Variants in IFT80 observed in about 807,000 individuals in gnomAD.
IFT80 encodes the protein intraflagellar transport protein 80 homolog.
IFT80 carries 79 observed loss-of-function variants against 107.9 expected under a neutral mutation model. The ratio of observed to expected loss-of-function variants is 0.73; its 90% CI spans 0.61 to 0.88. IFT80 has a LOEUF of 0.88. Ranked by LOEUF, IFT80 falls within the 40% of genes least tolerant of loss-of-function variation. The probability of loss-of-function intolerance (pLI) is 0.00; values close to 1 mark genes in which losing one functional copy is unlikely to be tolerated. For synonymous variants in IFT80, 299 were observed against 300.9 expected (o/e 0.99, Z 0.07); for missense variants, 797 against 914.2 (o/e 0.87, Z 1.65).
intron 8 of IFT80, among the ~76,000 whole-genome samples, chr3:160,337,662 C>T (rs904071346): frequency 3.3e-5 from 5 of 151,896 alleles, no homozygotes; most frequent in Admixed American, 1.3e-4. Flanking sequence ...GTAAAATCTT[C>T]GGCTTGCCTA....
chr3:160,354,303 T>A (rs1720911316), intron 8 of IFT80, among the ~76,000 whole-genome samples: 1 of 151,406 alleles, frequency 6.6e-6, no homozygotes, highest in Non-Finnish European at 1.5e-5. Context: ...AACTTTAGAG[T>A]CAATGGAAGG....
intron 10 of IFT80, among the ~76,000 whole-genome samples, chr3:160,304,600 T>C (rs1716699002): frequency 6.6e-6 from 1 of 151,926 alleles, no homozygotes; most frequent in Non-Finnish European, 1.5e-5. Flanking sequence ...CACACCCGGC[T>C]AATTTTTTGT....
intron 15 of IFT80, 91 bp downstream of exon 15, chr3:160,280,576 A>T (rs972679190): frequency 5.5e-6 from 6 of 1,081,662 alleles, no homozygotes; most frequent in Non-Finnish European, 5.6e-6. Context: ...TGTGTAAAAC[A>T]CCTTGCAGGA....
chr3:160,293,120 T>C (rs1204181238), intron 12 of IFT80, among the ~76,000 whole-genome samples: 1 of 152,156 alleles, frequency 6.6e-6, no homozygotes, highest in African/African-American at 2.4e-5. Flanking sequence ...ATAAGTAAAA[T>C]ATTACATTAA....
At chr3:160,386,603 G>A (rs1329678050) in intron 1 of IFT80, among the ~76,000 whole-genome samples, 1 of 152,112 alleles carries the variant, frequency 6.6e-6, no homozygotes, top group Non-Finnish European at 1.5e-5. Context: ...TGGGCCCAAC[G>A]AAATCTGAGA....
chr3:160,383,328 C>A, intron 2 of IFT80: 8 of 384,674 alleles, frequency 2.1e-5, no homozygotes, highest in Non-Finnish European at 2.8e-5. Context: ...CTTGAAAGCA[C>A]ATTTTTTTTG....
At chr3:160,373,913 C>T (rs75609585) in intron 5 of IFT80, among the ~76,000 whole-genome samples, 4,474 of 152,190 alleles carry the variant, frequency 0.029, 219 homozygotes, top group African/African-American at 0.1. Flanking sequence ...TGCTGTACTG[C>T]CCAGTTCCTA....
intron 13 of IFT80, 66 bp downstream of exon 13, chr3:160,285,738 A>T: frequency 9.4e-7 from 1 of 1,068,202 alleles, no homozygotes. Context: ...AAATGAAAAC[A>T]TTAATTTTGA....
chr3:160,312,118 T>C (rs1289132692), intron 9 of IFT80, among the ~76,000 whole-genome samples: 1 of 152,118 alleles, frequency 6.6e-6, no homozygotes, highest in Non-Finnish European at 1.5e-5. Context: ...AGAATGCTCT[T>C]AGTGAAATGG....
intron 6 of IFT80, among the ~76,000 whole-genome samples, chr3:160,363,657 G>T (rs1418327798): frequency 6.6e-6 from 1 of 152,114 alleles, no homozygotes; most frequent in Non-Finnish European, 1.5e-5. Flanking sequence ...TACCAAAACA[G>T]AGATACACAG....
chr3:160,354,508 C>G (rs1468292589), intron 8 of IFT80, among the ~76,000 whole-genome samples: 1 of 152,020 alleles, frequency 6.6e-6, no homozygotes, highest in Non-Finnish European at 1.5e-5. Flanking sequence ...AAAAAACTAG[C>G]CGGGCGTGGT....
At chr3:160,313,174 C>T (rs961028852) in intron 9 of IFT80, among the ~76,000 whole-genome samples, 6 of 137,102 alleles carry the variant, frequency 4.4e-5, no homozygotes, top group African/African-American at 1.4e-4. Flanking sequence ...ACCATTTTCA[C>T]GAGAAGTCTG....
intron 9 of IFT80, among the ~76,000 whole-genome samples, chr3:160,310,832 T>A (rs1717186442): frequency 6.6e-6 from 1 of 152,068 alleles, no homozygotes; most frequent in East Asian, 1.9e-4. Flanking sequence ...ACAGGATAAA[T>A]GAACATATTA....
chr3:160,378,071 C>T (rs1428673544), intron 3 of IFT80, among the ~76,000 whole-genome samples: 1 of 151,966 alleles, frequency 6.6e-6, no homozygotes, highest in Non-Finnish European at 1.5e-5. Flanking sequence ...AGTGTTTTTA[C>T]TTTTTGCCAA....
intron 15 of IFT80, among the ~76,000 whole-genome samples, chr3:160,279,587 C>T (rs1487378817): frequency 2.6e-5 from 4 of 152,150 alleles, no homozygotes; most frequent in South Asian, 4.1e-4. Flanking sequence ...TGAATGTAAA[C>T]ATTTGAATAT....
chr3:160,321,236 A>G (rs796440230), intron 8 of IFT80, among the ~76,000 whole-genome samples: 22 of 152,138 alleles, frequency 1.4e-4, no homozygotes, highest in African/African-American at 5.1e-4. Flanking sequence ...GATACTAATA[A>G]CCTGCTTTGG....
At position 160,280,709 on chromosome 3, in the gene IFT80, T is replaced by C. The variant is rs187515125; in HGVS notation, c.1622A>G (p.Asp541Gly). ...TAATGTTTTAGGCAAAATGTCTCTGTCCACATAAACTGTATTGGGGTAATA... is the reference window on the plus strand; with the variant it reads ...TAATGTTTTAGGCAAAATGTCTCTGCCCACATAAACTGTATTGGGGTAATA... ...VWYYPNTVYV[D>G]RDILPKTLYE... is the part of the protein sequence containing the mutation. Residue 541 changes from aspartate (D) to glycine (G), a missense_variant, in exon 15 of 20, where the codon GAC (aspartate) becomes GGC (glycine). Transcript: ENST00000326448. The C allele has an allele frequency of 6.2e-7, 1 of 1,613,052 alleles. No homozygotes were observed. Among genetic ancestry groups the C allele is most frequent in the Non-Finnish European group, 8.5e-7 (1 of 1,179,204 alleles).
At chr3:160,375,579 A>T (rs566065897) in intron 5 of IFT80, among the ~76,000 whole-genome samples, 1 of 152,232 alleles carries the variant, frequency 6.6e-6, no homozygotes, top group East Asian at 1.9e-4. Flanking sequence ...ACTAACATAA[A>T]AAAAAGCCCT....
Position 160,280,794 on chromosome 3 carries a change from C to T in IFT80, c.1537G>A (p.Ala513Thr). Residue 513 changes from alanine (A) to threonine (T), a missense_variant, in exon 15 of 20, where the codon GCA (alanine) becomes ACA (threonine). Ala to Thr is a moderately conservative substitution (Grantham distance 58). Transcript: ENST00000326448. The stretch of plus-strand genomic sequence containing the variant: ...AGGATATTGCATGTATCGTTCCATG[C>T]CAAAGTATGCACCATTGTTCCTTAA... ...IKLGTMVHTL[A>T]WNDTCNILCG... 6.2e-7 allele frequency: 1 copy of T among 1,613,020 alleles called. No individual in the cohort carries two copies. Among genetic ancestry groups the T allele is most frequent in the Non-Finnish European group, 8.5e-7 (1 of 1,179,394 alleles).
Sources: gnomAD v4.1 joint callset for allele counts (sites outside exome capture counted in the v4.1 genomes callset) on GRCh38, gnomAD v4.1.1 for gene constraint, MANE v1.5 for transcripts, NCBI Gene and HGNC (gene_info 2026-07-23, HGNC 2026-07-21) for gene names.